Variants in CSTPP1 observed in about 807,000 individuals in gnomAD.
The protein encoded by CSTPP1 is UPF0705 protein C11orf49.
the CSTPP1 span, among the ~76,000 whole-genome samples, chr11:47,101,822 G>A: frequency 1.3e-5 from 2 of 152,126 alleles, no homozygotes; most frequent in Non-Finnish European, 2.9e-5. Flanking sequence ...TTAGAGGTCC[G>A]TGATCCTAGA....
At chr11:47,155,129 A>G in the CSTPP1 span, 2 of 1,409,482 alleles carry the variant, frequency 1.4e-6, no homozygotes, top group East Asian at 5.4e-5. Context: ...TCCCCTCCTT[A>G]AACCTCTCCC....
chr11:46,983,601 A>C, the CSTPP1 span, among the ~76,000 whole-genome samples: 1 of 152,142 alleles, frequency 6.6e-6, no homozygotes, highest in Non-Finnish European at 1.5e-5. Flanking sequence ...GCTGTTTTTT[A>C]TTCTTTAATC....
chr11:47,024,949 G>A, the CSTPP1 span, among the ~76,000 whole-genome samples: 1 of 152,150 alleles, frequency 6.6e-6, no homozygotes, highest in Non-Finnish European at 1.5e-5. Context: ...TGAGTTAACA[G>A]AACATTTGAA....
the CSTPP1 span, among the ~76,000 whole-genome samples, chr11:46,996,479 T>C: frequency 6.6e-6 from 1 of 152,100 alleles, no homozygotes; most frequent in Admixed American, 6.5e-5. Context: ...AATTTTTGTA[T>C]TTTTAGTAGA....
the CSTPP1 span, among the ~76,000 whole-genome samples, chr11:47,106,535 C>T: frequency 2.0e-5 from 3 of 151,588 alleles, no homozygotes; most frequent in East Asian, 1.9e-4. Flanking sequence ...CCCAGGTACA[C>T]GGGAAGCTGA....
the CSTPP1 span, chr11:47,130,842 G>A: frequency 6.6e-6 from 1 of 152,354 alleles, no homozygotes; most frequent in Admixed American, 6.5e-5. Context: ...GTCATTTAGA[G>A]TGAGCCTTCA....
chr11:47,130,394 G>A, the CSTPP1 span, among the ~76,000 whole-genome samples: 2,321 of 152,216 alleles, frequency 0.015, 34 homozygotes, highest in Non-Finnish European at 0.022. Context: ...GGTGTCATTC[G>A]AGGCCATTGC....
chr11:47,111,892 A>T, the CSTPP1 span, among the ~76,000 whole-genome samples: 1 of 152,210 alleles, frequency 6.6e-6, no homozygotes, highest in Admixed American at 6.5e-5. Context: ...TAAGCACTTA[A>T]TGTGAATATT....
the CSTPP1 span, among the ~76,000 whole-genome samples, chr11:47,122,091 A>AAAAAAAAAATATATATATAT: frequency 3.1e-5 from 1 of 31,842 alleles, no homozygotes; most frequent in African/African-American, 9.7e-5. Context: ...AAAAAAAAAA[A>AAAAAAAAAATATATATATAT]ATATATATAT....
chr11:47,128,508 A>T, the CSTPP1 span, among the ~76,000 whole-genome samples: 3 of 152,034 alleles, frequency 2.0e-5, no homozygotes, highest in African/African-American at 7.2e-5. Flanking sequence ...CAGTCTCTTG[A>T]GTAGCTGGGA....
chr11:47,129,786 ATCT>A, the CSTPP1 span, among the ~76,000 whole-genome samples: 3 of 152,284 alleles, frequency 2.0e-5, no homozygotes, highest in African/African-American at 7.2e-5. Flanking sequence ...ATTTCTTTAA[ATCT>A]TTACCTGCTG....
At chr11:47,164,157 G>C in the CSTPP1 span, 1 of 1,613,958 alleles carries the variant, frequency 6.2e-7, no homozygotes, top group Non-Finnish European at 8.5e-7. Context: ...AGGGGCCTTT[G>C]GCTTTCAGAG....
the CSTPP1 span, among the ~76,000 whole-genome samples, chr11:47,099,998 C>T: frequency 6.6e-6 from 1 of 152,294 alleles, no homozygotes; most frequent in Non-Finnish European, 1.5e-5. Flanking sequence ...TTCCCTTGCT[C>T]TGATGTTCAA....
chr11:47,155,640 C>T, the CSTPP1 span: 1 of 234,588 alleles, frequency 4.3e-6, no homozygotes, highest in Non-Finnish European at 8.5e-6. Flanking sequence ...GAGAGAGAGT[C>T]CTTTCAGAGA....
At chr11:46,943,546 A>T in the CSTPP1 span, among the ~76,000 whole-genome samples, 1 of 152,360 alleles carries the variant, frequency 6.6e-6, no homozygotes, top group Non-Finnish European at 1.5e-5. Flanking sequence ...TGGATCAGGG[A>T]ATGGTAAAAT....
At chr11:47,081,338 C>T in the CSTPP1 span, among the ~76,000 whole-genome samples, 10 of 151,982 alleles carry the variant, frequency 6.6e-5, no homozygotes, top group Admixed American at 5.9e-4. Context: ...ATACCAGCCT[C>T]GTTAATATCT....
chr11:47,016,349 A>C, the CSTPP1 span, among the ~76,000 whole-genome samples: 1 of 151,356 alleles, frequency 6.6e-6, no homozygotes, highest in East Asian at 1.9e-4. Flanking sequence ...GTTTGTTCAC[A>C]TAGGACATGA....
At chr11:47,157,304 G>A in the CSTPP1 span, 1 of 1,418,346 alleles carries the variant, frequency 7.1e-7, no homozygotes, top group Non-Finnish European at 9.4e-7. Flanking sequence ...AGGATGTTCT[G>A]CGCGGCCCAG....
chr11:47,120,042 A>C, the CSTPP1 span, among the ~76,000 whole-genome samples: 5 of 151,962 alleles, frequency 3.3e-5, no homozygotes, highest in Non-Finnish European at 7.4e-5. This position sits in a 1 kb window ranked among gnomAD's most constrained non-coding sequence, Gnocchi z 4.2. Context: ...AACTCCAAAA[A>C]ATGTGCTTTC....
Sources: gnomAD v4.1 joint callset for allele counts (sites outside exome capture counted in the v4.1 genomes callset) on GRCh38, gnomAD v4.1.1 for gene constraint, Gnocchi (gnomAD v3.1) non-coding constraint, MANE v1.5 for transcripts, NCBI Gene and HGNC (gene_info 2026-07-23, HGNC 2026-07-21) for gene names.